FGF12: variants seen among roughly 807,000 people sequenced by gnomAD.
FGF12 encodes the protein fibroblast growth factor 12B.
A neutral mutation model predicts 23.6 loss-of-function variants in FGF12; 14 were observed. The observed-to-expected ratio is 0.59, with a 90% CI of 0.39 to 0.93. FGF12 has a LOEUF of 0.93. Among genes scored for constraint, FGF12 ranks in the 40% least tolerant of loss-of-function variants. The pLI is 0.00. For missense variants in FGF12, 175 were observed against 217.8 expected, an observed-to-expected ratio of 0.80 and a Z score of 1.24; for synonymous variants, 62 against 77.3, an observed-to-expected ratio of 0.80 and a Z score of 1.04.
intron 2 of FGF12, among the ~76,000 whole-genome samples, chr3:192,657,858 G>A (rs1048767878): frequency 6.6e-6 from 1 of 152,076 alleles, no homozygotes; most frequent in African/African-American, 2.4e-5. Context: ...ATTGCCAAAA[G>A]ATCAAAACAC....
chr3:192,642,082 T>C (rs1466239639), intron 2 of FGF12, among the ~76,000 whole-genome samples: 1 of 152,244 alleles, frequency 6.6e-6, no homozygotes, highest in Non-Finnish European at 1.5e-5. Flanking sequence ...TATACATCCA[T>C]GGGCTTATCA....
chr3:192,384,653 T>C (rs962348908), intron 2 of FGF12, among the ~76,000 whole-genome samples: 1 of 152,212 alleles, frequency 6.6e-6, no homozygotes, highest in Non-Finnish European at 1.5e-5. Flanking sequence ...AAAATACTTA[T>C]ACACATACAC....
At chr3:192,630,661 T>G (rs1252843114) in intron 2 of FGF12, among the ~76,000 whole-genome samples, 2 of 150,816 alleles carry the variant, frequency 1.3e-5, no homozygotes, top group African/African-American at 4.9e-5. Flanking sequence ...CACCCCATTC[T>G]CCTGCCTCAG....
chr3:192,289,618 T>C (rs1017486369), intron 4 of FGF12, among the ~76,000 whole-genome samples: 4 of 151,884 alleles, frequency 2.6e-5, no homozygotes, highest in African/African-American at 7.3e-5. Flanking sequence ...CAATCCAGAG[T>C]GGGATTATCG....
intron 4 of FGF12, among the ~76,000 whole-genome samples, chr3:192,189,161 T>A (rs1438663391): frequency 1.3e-5 from 2 of 152,236 alleles, no homozygotes; most frequent in Non-Finnish European, 2.9e-5. Flanking sequence ...TCTCCAGTCC[T>A]GTTTAAGCCA....
chr3:192,632,567 T>C lies in FGF12; in HGVS notation c.13+94614A>G, dbSNP rs559739430. Among the ~76,000 whole-genome samples, 3 of 152,342 alleles carry C rather than the reference T, an allele frequency of 2.0e-5. No individual in the cohort carries two copies. In the East Asian group the frequency reaches 5.8e-4, roughly 29 times the overall value. ...TTGATGCACAGTTAATGCTCAGTAA[T>C]GGTTAGATATATTTCCCAACACTAG... On this transcript the variant is annotated intron_variant, in intron 2 of 5. Transcript: ENST00000445105.
At chr3:192,435,162 T>G (rs1721979105) in intron 2 of FGF12, among the ~76,000 whole-genome samples, 1 of 152,190 alleles carries the variant, frequency 6.6e-6, no homozygotes, top group African/African-American at 2.4e-5. Context: ...ATTTTCTACT[T>G]TAAACCACAA....
chr3:192,352,697 A>G (rs1177832740), intron 3 of FGF12, among the ~76,000 whole-genome samples: 1 of 152,222 alleles, frequency 6.6e-6, no homozygotes, highest in Admixed American at 6.5e-5. Flanking sequence ...TGTTCTAGGT[A>G]CTTTTAAGGA....
At chr3:192,611,039 A>C (rs1003637498) in intron 2 of FGF12, among the ~76,000 whole-genome samples, 1 of 152,046 alleles carries the variant, frequency 6.6e-6, no homozygotes, top group African/African-American at 2.4e-5. Context: ...TAACTTCTGT[A>C]AGGGCAAGAA....
intron 2 of FGF12, among the ~76,000 whole-genome samples, chr3:192,688,692 A>G (rs541413886): frequency 1.3e-5 from 2 of 152,330 alleles, no homozygotes; most frequent in South Asian, 4.1e-4. Flanking sequence ...GATTTCTGAA[A>G]AACTAAAAAT....
chr3:192,489,162 T>G (rs1723724549), intron 2 of FGF12, among the ~76,000 whole-genome samples: 1 of 152,048 alleles, frequency 6.6e-6, no homozygotes, highest in African/African-American at 2.4e-5. Context: ...AGACATATTA[T>G]CTAATCATTT....
chr3:192,365,379 A>T (rs1718931950), intron 2 of FGF12, among the ~76,000 whole-genome samples: 1 of 152,118 alleles, frequency 6.6e-6, no homozygotes, highest in Admixed American at 6.5e-5. Context: ...TCTGAATGAG[A>T]TCCTAGAGCT....
At chr3:192,375,654 A>G (rs1030801466) in intron 2 of FGF12, among the ~76,000 whole-genome samples, 1 of 151,960 alleles carries the variant, frequency 6.6e-6, no homozygotes, top group Admixed American at 6.6e-5. Flanking sequence ...TTTGCTCATC[A>G]TTATAACCCC....
intron 4 of FGF12, among the ~76,000 whole-genome samples, chr3:192,286,020 A>C (rs977586044): frequency 1.3e-5 from 2 of 152,058 alleles, no homozygotes; most frequent in Non-Finnish European, 2.9e-5. Flanking sequence ...TTAGTCATAT[A>C]AGCAAAGAAT....
Position 192,400,369 on chromosome 3 carries a change from C to CTTT in FGF12, c.14-39834_14-39832dup, listed in dbSNP as rs5855423. ...CAATCTTCCACCTTCACATTCTTTT[C>CTTT]TTTTTTTTTTTTTTTTTGAGACTGA... On this transcript the variant is annotated intron_variant, in intron 2 of 5. Coordinates refer to ENST00000445105, the MANE Select transcript of FGF12 (RefSeq NM_004113.6). Among the ~76,000 whole-genome samples the CTTT allele has an allele frequency of 1.3e-3, 166 of 130,756 alleles. 1 individual carries two copies. The highest frequency in any genetic ancestry group is 4.0e-3 in the East Asian group (18 of 4,466). 85.8% of individuals were successfully genotyped at this position (130,756 alleles called of 152,430 possible). A position where few individuals can be genotyped will look rare whatever the true frequency, so the allele number is the denominator to read the frequency against.
At chr3:192,440,984 A>C (rs561060628) in intron 2 of FGF12, among the ~76,000 whole-genome samples, 2 of 152,354 alleles carry the variant, frequency 1.3e-5, no homozygotes, top group African/African-American at 4.8e-5. Flanking sequence ...TCTAGGATAA[A>C]GGACTTCAAT....
At chr3:192,297,287 G>T (rs1359196546) in intron 4 of FGF12, among the ~76,000 whole-genome samples, 2 of 152,170 alleles carry the variant, frequency 1.3e-5, no homozygotes, top group African/African-American at 4.8e-5. Context: ...ACGTCTTCTG[G>T]ATTGCTAGAC....
intron 4 of FGF12, among the ~76,000 whole-genome samples, chr3:192,213,721 C>G (rs1231838831): frequency 6.6e-6 from 1 of 152,176 alleles, no homozygotes; most frequent in Non-Finnish European, 1.5e-5. Context: ...TAAGAACTGT[C>G]TCTCTCCGTG....
intron 4 of FGF12, among the ~76,000 whole-genome samples, chr3:192,291,388 C>T (rs1209087731): frequency 6.6e-6 from 1 of 151,928 alleles, no homozygotes; most frequent in African/African-American, 2.4e-5. Flanking sequence ...TAAGACCAAC[C>T]TGGGCAACAC....
Sources: allele counts gnomAD v4.1 joint callset (sites outside exome capture counted in the v4.1 genomes callset), GRCh38; gene constraint gnomAD v4.1.1; transcripts MANE v1.5; gene names NCBI Gene and HGNC (gene_info 2026-07-23, HGNC 2026-07-21).